LBX2: variants seen among roughly 807,000 people sequenced by gnomAD.
LBX2 encodes the protein ladybird homeobox 2, also known as transcription factor LBX2.
A neutral mutation model predicts 7.5 loss-of-function variants in LBX2; 6 were observed. The ratio of observed to expected loss-of-function variants is 0.80; its 90% confidence interval spans 0.44 to 1.59. The LOEUF (loss-of-function observed/expected upper bound fraction) is 1.59, where lower values mean the gene tolerates loss of function less well. LBX2 is among the 40% of genes most tolerant of loss of function. LBX2 has a pLI of 0.01. For missense variants in LBX2, 281 were observed against 282.0 expected (o/e 1.00, Z 0.03); for synonymous variants, 143 against 133.2 (o/e 1.07, Z -0.51).
upstream of LBX2, chr2:74,502,515 G>A (rs548592333): frequency 6.2e-5 from 45 of 720,946 alleles, no homozygotes; most frequent in African/African-American, 7.1e-4. This position sits in a 1 kb window ranked among gnomAD's most constrained non-coding sequence, Gnocchi z 5.4. Flanking sequence ...CCGTGAACCG[G>A]AGTGAGAGGG....
Position 74,499,220 on chromosome 2 carries a change from G to C in LBX2, c.205+113C>G, listed in dbSNP as rs1191581692. The C allele has an allele frequency of 1.1e-6, 1 of 914,246 alleles. No individual in the cohort carries two copies. 56.6% of individuals were successfully genotyped at this position (914,246 alleles called of 1,614,324 possible). ...GTCCTGGCACGTGGGCTGAGGACAG[G>C]GGAGGATTAGGGTGGGTGGCCTGGG... On this transcript the variant is annotated intron_variant, in intron 1 of 1. Transcript: ENST00000377566. This position sits in a 1 kb window ranked among gnomAD's most constrained non-coding sequence, Gnocchi z 4.6.
chr2:74,502,505 C>T (rs1674515350), upstream of LBX2: 7 of 685,358 alleles, frequency 1.0e-5, no homozygotes. This position sits in a 1 kb window ranked among gnomAD's most constrained non-coding sequence, Gnocchi z 5.4. Context: ...TAGGAAACGT[C>T]CGTGAACCGG....
upstream of LBX2, among the ~76,000 whole-genome samples, chr2:74,500,747 C>T (rs960195389): frequency 5.9e-5 from 9 of 152,176 alleles, no homozygotes; most frequent in Non-Finnish European, 7.3e-5. Flanking sequence ...GGGTTTTGTT[C>T]CTACATTCCA....
At chr2:74,502,641 C>G, upstream of LBX2, 1 of 1,608,964 alleles carries the variant, frequency 6.2e-7, no homozygotes, top group Non-Finnish European at 8.5e-7. This position sits in a 1 kb window ranked among gnomAD's most constrained non-coding sequence, Gnocchi z 5.4. Context: ...CGGAGTGAAC[C>G]GGTCCTTATA....
chr2:74,502,458 A>T (rs1051260043), upstream of LBX2: 2 of 587,832 alleles, frequency 3.4e-6, no homozygotes, highest in Non-Finnish European at 6.0e-6. This position sits in a 1 kb window ranked among gnomAD's most constrained non-coding sequence, Gnocchi z 5.4. Flanking sequence ...GACAAGGACA[A>T]TCTCAGCGAA....
At position 74,497,777 on chromosome 2, in the gene LBX2, C is replaced by T. The variant is rs1435356824; in HGVS notation, c.*150G>A. ...TGTCTCAGACAACAAAACAAACTTA[C>T]AAAAAAACCGGGAAAGGTGAGCGTC... On this transcript the variant is annotated 3_prime_UTR_variant, in exon 2 of 2. Transcript: ENST00000377566. The T allele has an allele frequency of 6.8e-6, 6 of 876,562 alleles. No homozygotes were observed. The highest frequency in any genetic ancestry group is 3.5e-4 in the Middle Eastern group (1 of 2,842). The allele number at this position is 876,562 out of a possible 1,614,324, so 54.3% of individuals were successfully genotyped here. A position where few individuals can be genotyped will look rare whatever the true frequency, so the allele number is the denominator to read the frequency against.
upstream of LBX2, among the ~76,000 whole-genome samples, chr2:74,500,589 T>A (rs544544252): frequency 3.4e-4 from 52 of 152,298 alleles, no homozygotes; most frequent in African/African-American, 1.3e-3. Context: ...CCTGGTATAC[T>A]CATTCCTATT....
upstream of LBX2, chr2:74,502,793 G>C: frequency 6.2e-7 from 1 of 1,613,982 alleles, no homozygotes. This position sits in a 1 kb window ranked among gnomAD's most constrained non-coding sequence, Gnocchi z 5.4. Context: ...AAACTCCGAC[G>C]CCCTCCTCGA....
chr2:74,502,707 C>T, upstream of LBX2: 1 of 1,614,176 alleles, frequency 6.2e-7, no homozygotes, highest in Non-Finnish European at 8.5e-7. The surrounding 1 kb of genome is among the most constrained non-coding windows in gnomAD (Gnocchi z 5.4). Flanking sequence ...CCGCCCTGGA[C>T]GCTGTTTTGC....
rs1388723369 is a variant in LBX2 at position 74,499,351 on chromosome 2, C to A, written c.187G>T (p.Ala63Ser). 1 of 1,550,510 alleles carries A rather than the reference C, an allele frequency of 6.4e-7. No homozygotes were observed. ...TCTATACCTTCAGAGGGCTGCAGAGCGCGCGCGTCAAGTCCGCGGAAAGTT... is the reference window on the plus strand; with the variant it reads ...TCTATACCTTCAGAGGGCTGCAGAGAGCGCGCGTCAAGTCCGCGGAAAGTT... Reference protein sequence around the residue: ...SKTFRGLDARALQPSEGRAGP... With the variant: ...SKTFRGLDARSLQPSEGRAGP... The change falls in exon 1 of 2, where the codon GCT becomes TCT. Residue 63 changes from alanine to serine, a missense_variant. Ala to Ser is a moderately conservative substitution (Grantham distance 99, BLOSUM62 1). This residue lies in a region of LBX2 where 216 missense variants were observed against 208.7 expected (regional missense o/e 1.03). Coordinates refer to ENST00000377566, the MANE Select transcript of LBX2 (RefSeq NM_001282430.2). This position sits in a 1 kb window ranked among gnomAD's most constrained non-coding sequence, Gnocchi z 4.6.
upstream of LBX2, chr2:74,499,631 C>CCCAA: frequency 1.5e-6 from 2 of 1,344,594 alleles, no homozygotes; most frequent in South Asian, 2.9e-5. This position sits in a 1 kb window ranked among gnomAD's most constrained non-coding sequence, Gnocchi z 4.6. Context: ...GGCCCCCAGC[C>CCCAA]TCGGACCCGC....
In LBX2 at chr2:74,497,988, C is replaced by A; in HGVS notation, c.536G>T (p.Gly179Val). The A allele has an allele frequency of 6.2e-7, 1 of 1,606,906 alleles. No individual in the cohort carries two copies. The highest frequency in any genetic ancestry group is 8.5e-7 in the Non-Finnish European group (1 of 1,174,902). Reference protein sequence around the residue: ...EGAPDPGLCLGPAGPDSRPHL... With the variant: ...EGAPDPGLCLVPAGPDSRPHL... ...GGGCCGGGAGTCAGGGCCGGCAGGG[C>A]CGAGGCAGAGGCCGGGATCTGGAGC... Residue 179 changes from glycine (G) to valine (V), a missense_variant, in exon 2 of 2, where the codon GGC becomes GTC. Physicochemically the swap from Gly to Val is moderately radical, Grantham distance 109. Coordinates refer to ENST00000377566, the MANE Select transcript of LBX2 (RefSeq NM_001282430.2).
At chr2:74,502,765 G>A (rs149381878), upstream of LBX2, 272 of 1,614,082 alleles carry the variant, frequency 1.7e-4, 1 homozygote, top group Admixed American at 3.7e-3. This position sits in a 1 kb window ranked among gnomAD's most constrained non-coding sequence, Gnocchi z 5.4. Context: ...TGCGGGCCGG[G>A]AAGCAGCCAG....
upstream of LBX2, chr2:74,499,838 C>T (rs934135254): frequency 5.2e-5 from 24 of 463,952 alleles, no homozygotes; most frequent in South Asian, 3.3e-4. This position sits in a 1 kb window ranked among gnomAD's most constrained non-coding sequence, Gnocchi z 4.6. Context: ...CGGGGCGCTG[C>T]ACCGTGCACA....
upstream of LBX2, chr2:74,501,906 G>A (rs879051434): frequency 1.3e-5 from 2 of 152,022 alleles, no homozygotes; most frequent in Non-Finnish European, 2.9e-5. Flanking sequence ...CCCCACCCCA[G>A]CTTGGAAGCA....
chr2:74,499,768 G>A (rs1218119984), upstream of LBX2: 4 of 591,066 alleles, frequency 6.8e-6, no homozygotes, highest in Non-Finnish European at 9.0e-6. This position sits in a 1 kb window ranked among gnomAD's most constrained non-coding sequence, Gnocchi z 4.6. Flanking sequence ...GGGCAGGCGC[G>A]GAGAGCAGAA....
At chr2:74,502,961 T>A, upstream of LBX2, 1 of 1,012,212 alleles carries the variant, frequency 9.9e-7, no homozygotes, top group African/African-American at 1.6e-5. The surrounding 1 kb of genome is among the most constrained non-coding windows in gnomAD (Gnocchi z 5.4). Flanking sequence ...ATGTGAGTCC[T>A]GGAAATGGCG....
Position 74,497,626 on chromosome 2 carries a change from T to C in LBX2, c.*301A>G. 2.9e-6 allele frequency: 1 copy of C among 339,004 alleles called. No homozygotes were observed. The highest frequency in any genetic ancestry group is 5.3e-6 in the Non-Finnish European group (1 of 187,854). 21.0% of individuals were successfully genotyped at this position (339,004 alleles called of 1,614,324 possible). On this transcript the variant is annotated 3_prime_UTR_variant, in exon 2 of 2. Transcript: ENST00000377566. ...TTTTTAAATTAGCCTGGGGTGGTGC[T>C]GCACGCCTGTAATGCCAGCTAGTCG...
intron 1 of LBX2, chr2:74,498,886 G>A (rs1674422973): frequency 4.7e-6 from 1 of 214,024 alleles, no homozygotes; most frequent in South Asian, 9.4e-5. Context: ...TGCGCCAAGG[G>A]CTTTCTGCTC....
Sources: gnomAD v4.1 joint callset for allele counts (sites outside exome capture counted in the v4.1 genomes callset) on GRCh38, gnomAD v4.1.1 for gene constraint, gnomAD v4.1.1 regional missense constraint, Gnocchi (gnomAD v3.1) non-coding constraint, MANE v1.5 for transcripts, NCBI Gene and HGNC (gene_info 2026-07-23, HGNC 2026-07-21) for gene names.